The following SOX6 variants were observed in gnomAD, a reference collection of about 807,000 sequenced individuals.
SOX6 encodes SRY-box transcription factor 6.
In SOX6, 11 loss-of-function variants were observed where a neutral mutation model predicts 97.8. The observed-to-expected ratio is 0.11, with a 90% CI of 0.07 to 0.19. SOX6 has a LOEUF of 0.19. Among genes scored for constraint, SOX6 ranks in the 10% least tolerant of loss-of-function variants. SOX6 has a pLI of 1.00. For synonymous variants in SOX6, 360 were observed against 371.4 expected (o/e 0.97, Z 0.35); for missense variants, 810 against 1,039.5 (o/e 0.78, Z 3.04).
At chr11:16,636,601 T>C (rs1441501346) in intron 3 of SOX6, among the ~76,000 whole-genome samples, 1 of 152,150 alleles carries the variant, frequency 6.6e-6, no homozygotes, top group Non-Finnish European at 1.5e-5. Context: ...GGACATGAGA[T>C]ATGGGAGGGC....
At chr11:16,624,408 G>A (rs10832654) in intron 3 of SOX6, among the ~76,000 whole-genome samples, 40,685 of 151,752 alleles carry the variant, frequency 0.27, 6,198 homozygotes, top group East Asian at 0.53. Context: ...GGATGATCTC[G>A]ATCTCTTGAC....
intron 6 of SOX6, among the ~76,000 whole-genome samples, chr11:16,144,982 C>G (rs1407143828): frequency 6.6e-6 from 1 of 152,144 alleles, no homozygotes; most frequent in African/African-American, 2.4e-5. Flanking sequence ...AAGAGGGAAT[C>G]CTCCCTAACT....
At chr11:16,461,858 C>T (rs1403008472) in intron 1 of SOX6, among the ~76,000 whole-genome samples, 1 of 152,226 alleles carries the variant, frequency 6.6e-6, no homozygotes, top group Non-Finnish European at 1.5e-5. Flanking sequence ...TTGAGCCATG[C>T]ATTGGTTCAC....
chr11:16,503,740 G>A (rs1166254263), intron 4 of SOX6, among the ~76,000 whole-genome samples: 4 of 152,090 alleles, frequency 2.6e-5, no homozygotes, highest in East Asian at 1.9e-4. Context: ...TCAGCAAGAG[G>A]ATGTAAGAAT....
intron 3 of SOX6, among the ~76,000 whole-genome samples, chr11:16,287,264 TC>T (rs1246173266): frequency 4.7e-4 from 1 of 2,136 alleles, no homozygotes; most frequent in African/African-American, 9.5e-4. Context: ...TCTGTCTCTC[TC>T]TCTCTCTCTC....
At chr11:16,340,314 TA>T (rs144302426) in intron 2 of SOX6, among the ~76,000 whole-genome samples, 11,207 of 152,108 alleles carry the variant, frequency 0.074, 651 homozygotes, top group East Asian at 0.32. Context: ...TTCTAGATGC[TA>T]AAAAAATTGA....
chr11:16,402,715 G>T, intron 1 of SOX6: 3 of 1,610,496 alleles, frequency 1.9e-6, no homozygotes, highest in Non-Finnish European at 2.5e-6. Context: ...CTAAACTGTA[G>T]GTATTTGTTC....
At chr11:16,326,313 G>A (rs12271339) in intron 2 of SOX6, among the ~76,000 whole-genome samples, 59,799 of 151,458 alleles carry the variant, frequency 0.39, 12,503 homozygotes, top group East Asian at 0.48. Context: ...TGATGCACTC[G>A]TCTCTAGATG....
At chr11:16,334,333 C>T (rs1216602083) in intron 2 of SOX6, among the ~76,000 whole-genome samples, 1 of 152,066 alleles carries the variant, frequency 6.6e-6, no homozygotes, top group African/African-American at 2.4e-5. Flanking sequence ...CACATAATCA[C>T]ATGTTAATGA....
rs181083287 is a variant in SOX6, at chr11:16,502,990, C to T, written n.610-26602G>A. Among the ~76,000 whole-genome samples, 210 of 152,192 alleles carry T rather than the reference C, an allele frequency of 1.4e-3. 1 individual carries two copies. Among genetic ancestry groups the T allele is most frequent in the African/African-American group, 4.8e-3 (198 of 41,522 alleles). Reference sequence around the variant, plus strand: ...AAGTGCCCAGTAACTTAGAAAAGCACCCCCGTCAAACTAATAGCAGATTTA... The same window carrying T: ...AAGTGCCCAGTAACTTAGAAAAGCATCCCCGTCAAACTAATAGCAGATTTA... On this transcript the variant is annotated intron_variant and non_coding_transcript_variant, in intron 4 of 5. Coordinates refer to the SOX6 transcript ENST00000524520.
At chr11:16,097,911 T>TA (rs1474327468) in intron 7 of SOX6, among the ~76,000 whole-genome samples, 1 of 151,806 alleles carries the variant, frequency 6.6e-6, no homozygotes, top group Non-Finnish European at 1.5e-5. Flanking sequence ...AATGTGATGT[T>TA]AAAAAAACTT....
intron 1 of SOX6, among the ~76,000 whole-genome samples, chr11:16,737,164 G>T (rs1431244306): frequency 6.6e-6 from 1 of 152,134 alleles, no homozygotes. Flanking sequence ...ACTGCTCTCA[G>T]TTCTGAAACA....
intron 4 of SOX6, among the ~76,000 whole-genome samples, chr11:16,535,352 ATTTC>A (rs762194328): frequency 6.6e-6 from 1 of 152,198 alleles, no homozygotes; most frequent in Non-Finnish European, 1.5e-5. Flanking sequence ...AATTACTTAT[ATTTC>A]TTTCTTTCTT....
At chr11:16,629,985 T>C (rs1210117590) in intron 3 of SOX6, among the ~76,000 whole-genome samples, 9 of 152,138 alleles carry the variant, frequency 5.9e-5, no homozygotes, top group Non-Finnish European at 8.8e-5. Context: ...TGAATCTTTT[T>C]TTTCTTTGTT....
At chr11:16,227,058 C>T (rs1852709399) in intron 4 of SOX6, among the ~76,000 whole-genome samples, 1 of 151,844 alleles carries the variant, frequency 6.6e-6, no homozygotes, top group South Asian at 2.1e-4. Context: ...TTCCCTCAGT[C>T]TCATTTTACT....
chr11:16,279,769 T>C (rs17461712), intron 3 of SOX6, among the ~76,000 whole-genome samples: 18,396 of 152,136 alleles, frequency 0.12, 1,527 homozygotes, highest in South Asian at 0.19. Flanking sequence ...TTATTTGATT[T>C]AGTTTTTGAA....
At chr11:16,722,159 G>A (rs901290022) in intron 2 of SOX6, among the ~76,000 whole-genome samples, 5 of 151,804 alleles carry the variant, frequency 3.3e-5, no homozygotes, top group African/African-American at 7.3e-5. Flanking sequence ...AAACCATCAC[G>A]ACAAAAGCAA....
intron 3 of SOX6, among the ~76,000 whole-genome samples, chr11:16,303,504 C>T (rs1323743307): frequency 6.6e-6 from 1 of 152,140 alleles, no homozygotes; most frequent in African/African-American, 2.4e-5. Context: ...TATCACATTG[C>T]CTTGATTACT....
intron 4 of SOX6, among the ~76,000 whole-genome samples, chr11:16,199,502 C>G (rs907183015): frequency 1.3e-5 from 2 of 152,104 alleles, no homozygotes; most frequent in African/African-American, 4.8e-5. Context: ...TACCCAACCC[C>G]AGCCTCTTTT....
Sources: gnomAD v4.1 joint callset for allele counts (sites outside exome capture counted in the v4.1 genomes callset) on GRCh38, gnomAD v4.1.1 for gene constraint, MANE v1.5 for transcripts, NCBI Gene and HGNC (gene_info 2026-07-23, HGNC 2026-07-21) for gene names.